CDADC1: variants seen among roughly 807,000 people sequenced by gnomAD.
The protein encoded by CDADC1 is dCTP deaminase.
A neutral mutation model predicts 54.9 loss-of-function variants in CDADC1; 39 were observed. That is an observed-to-expected ratio of 0.71 (90% CI 0.55 to 0.93). The LOEUF is 0.93. Among genes scored for constraint, CDADC1 ranks in the 40% least tolerant of loss-of-function variants. The pLI, the probability that CDADC1 is intolerant of heterozygous loss-of-function variation, is 0.00. For synonymous variants in CDADC1, 186 were observed against 204.0 expected (o/e 0.91, Z 0.75); for missense variants, 518 against 618.8 (o/e 0.84, Z 1.73).
intron 4 of CDADC1, chr13:49,265,810 C>G (rs1292554664): frequency 4.0e-6 from 5 of 1,241,736 alleles, no homozygotes; most frequent in Admixed American, 2.8e-5. Context: ...ATTTGAGAAA[C>G]TCTGCTTTAG....
Sources: gnomAD v4.1 joint callset for allele counts on GRCh38, gnomAD v4.1.1 for gene constraint, MANE v1.5 for transcripts, NCBI Gene and HGNC (gene_info 2026-07-23, HGNC 2026-07-21) for gene names.